Variants in STIM1 observed in about 807,000 individuals in gnomAD.
The protein encoded by STIM1 is stromal interaction molecule 1.
In STIM1, 25 loss-of-function variants were observed where a neutral mutation model predicts 74.7. That is an observed-to-expected ratio of 0.33 (90% CI 0.24 to 0.47). The LOEUF (loss-of-function observed/expected upper bound fraction) is 0.47, where lower values mean the gene tolerates loss of function less well. Among genes scored for constraint, STIM1 ranks in the 20% least tolerant of loss-of-function variants. STIM1 has a pLI of 1.00. For missense variants in STIM1, 728 were observed against 920.8 expected (o/e 0.79, Z 2.71); for synonymous variants, 328 against 348.8 (o/e 0.94, Z 0.66).
intron 1 of STIM1, among the ~76,000 whole-genome samples, chr11:3,942,799 T>C (rs568774850): frequency 6.6e-6 from 1 of 152,332 alleles, no homozygotes; most frequent in South Asian, 2.1e-4. Context: ...CCATTTGTGG[T>C]ACCAGCAGAC....
Position 3,855,936 on chromosome 11 carries a change from GGCC to G in STIM1, c.-331_-329del. On this transcript the variant is annotated 5_prime_UTR_variant, in exon 1 of 13. Transcript: ENST00000526596. ...CCACTTCTGTGCCCGCGGAGACTCC[GGCC>G]GCCCCCTTCCGCAGGGGTGTAGTAA... The G allele has an allele frequency of 2.9e-6, 1 of 339,216 alleles. No homozygotes were observed. Among genetic ancestry groups the G allele is most frequent in the South Asian group, 2.9e-5 (1 of 34,048 alleles). 21.0% of individuals were successfully genotyped at this position (339,216 alleles called of 1,614,324 possible). A position where few individuals can be genotyped will look rare whatever the true frequency, so the allele number is the denominator to read the frequency against.
chr11:3,904,628 C>T (rs995851414), intron 1 of STIM1, among the ~76,000 whole-genome samples: 1 of 152,080 alleles, frequency 6.6e-6, no homozygotes, highest in Non-Finnish European at 1.5e-5. Flanking sequence ...GGAAGGCAGC[C>T]AGAAGATTTG....
chr11:3,927,368 C>T (rs956937629), intron 1 of STIM1, among the ~76,000 whole-genome samples: 13 of 152,140 alleles, frequency 8.5e-5, no homozygotes, highest in African/African-American at 2.7e-4. Context: ...ATCCTAATCA[C>T]GAAGGTTATA....
intron 1 of STIM1, among the ~76,000 whole-genome samples, chr11:3,883,018 TG>T (rs80023360): frequency 0.22 from 33,714 of 151,784 alleles, 4,523 homozygotes; most frequent in East Asian, 0.29. Flanking sequence ...CTAAGTTGTT[TG>T]TTTTTTTGTT....
intron 1 of STIM1, among the ~76,000 whole-genome samples, chr11:3,952,478 A>G (rs983395459): frequency 2.0e-4 from 30 of 151,910 alleles, no homozygotes; most frequent in African/African-American, 6.8e-4. Context: ...ACATTTGTAT[A>G]GAGCTTTACT....
At chr11:4,084,311 G>A (rs761127949) in intron 10 of STIM1, among the ~76,000 whole-genome samples, 1 of 152,236 alleles carries the variant, frequency 6.6e-6, no homozygotes. Flanking sequence ...GCAGAAGGCC[G>A]GGGCTGGGTT....
chr11:4,009,865 T>G (rs1590644739), intron 2 of STIM1, among the ~76,000 whole-genome samples: 1 of 152,030 alleles, frequency 6.6e-6, no homozygotes, highest in Non-Finnish European at 1.5e-5. Flanking sequence ...CAGGCTGGAG[T>G]ACAGTGGTAC....
intron 1 of STIM1, among the ~76,000 whole-genome samples, chr11:3,925,069 C>T (rs2092770726): frequency 6.6e-6 from 1 of 152,136 alleles, no homozygotes; most frequent in African/African-American, 2.4e-5. Flanking sequence ...TATTTTCTAA[C>T]AGTATTTGCT....
rs183190553 is a variant in STIM1 at position 4,048,369 on chromosome 11, G to A, written c.386-7157G>A. ...CATAGAACAAAGTTTAAGTCACTGT[G>A]TAAAATTTGTATATAAGTGTAAACA... is the stretch of plus-strand genomic sequence containing the variant. On this transcript the variant is annotated intron_variant, in intron 3 of 12. Transcript: ENST00000526596. Among the ~76,000 whole-genome samples, 112 of 152,272 alleles carry A rather than the reference G, an allele frequency of 7.4e-4. 1 individual carries two copies. Among genetic ancestry groups the A allele is most frequent in the African/African-American group, 2.6e-3 (110 of 41,548 alleles).
At chr11:3,943,100 C>T (rs1401990496) in intron 1 of STIM1, among the ~76,000 whole-genome samples, 3 of 152,186 alleles carry the variant, frequency 2.0e-5, no homozygotes, top group African/African-American at 7.2e-5. Context: ...TCTTAGAGAG[C>T]TTGCCAGCTG....
chr11:3,936,596 C>G lies in STIM1; in HGVS notation c.140-30956C>G, dbSNP rs182132710. ...ATCTGAAAAAAGGACGGCTCCTAGGCTCACATAACTGGAATAGAAACATAG... is the reference window on the plus strand; with the variant it reads ...ATCTGAAAAAAGGACGGCTCCTAGGGTCACATAACTGGAATAGAAACATAG... On this transcript the variant is annotated intron_variant, in intron 1 of 12. Coordinates refer to ENST00000526596, the MANE Select transcript of STIM1 (RefSeq NM_001382567.1). Among the ~76,000 whole-genome samples the G allele has an allele frequency of 9.9e-4, 151 of 152,242 alleles. 2 individuals carry two copies. Among genetic ancestry groups the G allele is most frequent in the African/African-American group, 3.5e-3 (144 of 41,550 alleles).
chr11:3,925,811 G>C (rs576143152), intron 1 of STIM1, among the ~76,000 whole-genome samples: 6 of 152,220 alleles, frequency 3.9e-5, no homozygotes, highest in Admixed American at 6.5e-5. Flanking sequence ...TATAATAGAG[G>C]CTGTAAAATA....
intron 1 of STIM1, among the ~76,000 whole-genome samples, chr11:3,924,849 T>C (rs1040581695): frequency 6.6e-6 from 1 of 152,192 alleles, no homozygotes; most frequent in Admixed American, 6.5e-5. Context: ...GAAAGTCTTA[T>C]GCTATGGAGG....
chr11:3,913,955 AT>A (rs1329822020), intron 1 of STIM1, among the ~76,000 whole-genome samples: 16 of 151,450 alleles, frequency 1.1e-4, no homozygotes, highest in Admixed American at 6.6e-5. Context: ...TTTTTTTATT[AT>A]TTTTTTTGGT....
chr11:3,912,387 C>T (rs1389920984), intron 1 of STIM1, among the ~76,000 whole-genome samples: 3 of 149,020 alleles, frequency 2.0e-5, no homozygotes, highest in Non-Finnish European at 3.0e-5. Context: ...TTTTTTGAGA[C>T]GGAGTTTCAC....
Position 4,035,316 on chromosome 11 carries a change from G to A in STIM1, c.385+11329G>A, listed in dbSNP as rs943151304. 6.0e-5 allele frequency among the ~76,000 whole-genome samples: 9 copies of A among 149,184 alleles called. 1 individual carries two copies. The highest frequency in any genetic ancestry group is 6.8e-3 in the Middle Eastern group (2 of 292). ...CAACTGATTTATTAGTAGCGCAGAC[G>A]AATAAAAATACCTAGAGTGAAGACA... On this transcript the variant is annotated intron_variant, in intron 3 of 12. Transcript: ENST00000526596.
At chr11:4,091,234 C>G (rs1348827319) in intron 12 of STIM1, 48 bp from the exon 13 acceptor site, 13 of 1,612,732 alleles carry the variant, frequency 8.1e-6, no homozygotes, top group Non-Finnish European at 1.0e-5. Flanking sequence ...CCCCTATCAC[C>G]TCATCCAATA....
At chr11:3,926,826 G>A (rs2092794881) in intron 1 of STIM1, among the ~76,000 whole-genome samples, 1 of 152,196 alleles carries the variant, frequency 6.6e-6, no homozygotes, top group Non-Finnish European at 1.5e-5. Flanking sequence ...CCACTCCAGT[G>A]AGGAGAGCTA....
intron 2 of STIM1, among the ~76,000 whole-genome samples, chr11:3,986,301 G>A (rs562874903): frequency 6.6e-6 from 1 of 152,264 alleles, no homozygotes; most frequent in East Asian, 1.9e-4. Flanking sequence ...ATGAATTTTT[G>A]GAGATGAATA....
Sources: allele counts gnomAD v4.1 joint callset (sites outside exome capture counted in the v4.1 genomes callset), GRCh38; gene constraint gnomAD v4.1.1; transcripts MANE v1.5; gene names NCBI Gene and HGNC (gene_info 2026-07-23, HGNC 2026-07-21).